The following SCO2 variants were observed in gnomAD, a reference collection of about 807,000 sequenced individuals.
SCO2 encodes cytochrome c oxidase assembly factor SCO2.
For synonymous variants in SCO2, 195 were observed against 148.6 expected, an observed-to-expected ratio of 1.31 and a Z score of -2.27; for missense variants, 429 against 348.7, an observed-to-expected ratio of 1.23 and a Z score of -1.83.
Position 50,524,136 on chromosome 22 carries a change from T to C in SCO2, c.276A>G (p.Glu92=), listed in dbSNP as rs886057630. 6.2e-7 allele frequency: 1 copy of C among 1,612,278 alleles called. No individual in the cohort carries two copies. Among genetic ancestry groups the C allele is most frequent in the Non-Finnish European group, 8.5e-7 (1 of 1,180,012 alleles). ...GGCCCACAGCTGCCTGGCGCAGGGCTTCTGTTCGCTTTTGCTGCTGCAGCC... is the reference window on the plus strand; with the variant it reads ...GGCCCACAGCTGCCTGGCGCAGGGCCTCTGTTCGCTTTTGCTGCTGCAGCC... ...KERLQQQKRT[E]ALRQAAVGQG... Residue 92 remains glutamate (E), a synonymous_variant, in exon 2 of 2, where the codon GAA becomes GAG. Transcript: ENST00000395693.
rs143543571 is a variant in SCO2 at position 50,524,264 on chromosome 22, C to G, written c.148G>C (p.Gly50Arg). The change falls in exon 2 of 2, where the codon GGC (glycine) becomes CGC (arginine). Residue 50 changes from glycine to arginine, a missense_variant. Physicochemically the swap from Gly to Arg is moderately radical, Grantham distance 125. Coordinates refer to ENST00000395693, the MANE Select transcript of SCO2 (RefSeq NM_005138.3). ...CGAAGCCCAGGGCCCTGGGGCTGGC[C>G]CTGCCCACCTGTCTCTGCAGGGCCC... ...RQGPAETGGQ[G>R]QPQGPGLRTR... is the part of the protein sequence containing the mutation. The G allele has an allele frequency of 6.2e-7, 1 of 1,604,604 alleles. No individual in the cohort carries two copies. The highest frequency in any genetic ancestry group is 1.1e-5 in the South Asian group (1 of 91,058).
At position 50,524,159 on chromosome 22, in the gene SCO2, G is replaced by A. The variant is rs754084933; in HGVS notation, c.253C>T (p.Leu85=). The A allele has an allele frequency of 1.2e-6, 2 of 1,611,126 alleles. No individual in the cohort carries two copies. Among genetic ancestry groups the A allele is most frequent in the South Asian group, 2.2e-5 (2 of 91,086 alleles). Residue 85 remains leucine (L), a synonymous_variant, in exon 2 of 2, where the codon CTG becomes TTG. Transcript: ENST00000395693. Reference sequence around the variant, plus strand: ...GCTTCTGTTCGCTTTTGCTGCTGCAGCCTCTCCTTCTCAGCCCTCAGGGCC... The same window carrying A: ...GCTTCTGTTCGCTTTTGCTGCTGCAACCTCTCCTTCTCAGCCCTCAGGGCC... ...WLALRAEKER[L]QQQKRTEALR...
intron 1 of SCO2, 64 bp from the exon 2 acceptor site, chr22:50,524,488 C>A (rs1478330729): frequency 2.0e-6 from 3 of 1,492,858 alleles, no homozygotes; most frequent in Non-Finnish European, 2.8e-6. Context: ...TGGGCTGCCC[C>A]TGCGACTTGA....
At position 50,525,517 on chromosome 22, in the gene SCO2, G is replaced by A. The variant is rs372765133; in HGVS notation, c.-59C>T. 3.5e-6 allele frequency: 2 copies of A among 565,556 alleles called. No individual in the cohort carries two copies. Among genetic ancestry groups the A allele is most frequent in the East Asian group, 3.3e-5 (1 of 30,440 alleles). The allele number at this position is 565,556 out of a possible 1,614,324, so 35.0% of individuals were successfully genotyped here. ...CAGTGGACCAAGCACGAGAGGAAGC[G>A]CCGACCTCCAGCTCCCTGCGCTCTG... is the stretch of plus-strand genomic sequence containing the variant. On this transcript the variant is annotated 5_prime_UTR_variant, in exon 1 of 2. Coordinates refer to ENST00000395693, the MANE Select transcript of SCO2 (RefSeq NM_005138.3).
rs2069193549 is a variant in SCO2 at position 50,523,766 on chromosome 22, C to T, written c.646G>A (p.Glu216Lys). Reference sequence around the variant, plus strand: ...TGGTCCACGATGTAGTCCTGGTCCTCATCCTTGGGGCCTGCATTGTAGTAC... The same window carrying T: ...TGGTCCACGATGTAGTCCTGGTCCTTATCCTTGGGGCCTGCATTGTAGTAC... ...RVYYNAGPKD[E>K]DQDYIVDHSI... The change falls in exon 2 of 2, where the codon GAG becomes AAG. Residue 216 changes from glutamate (E) to lysine (K), a missense_variant. Glu to Lys is a moderately conservative substitution (Grantham distance 56, BLOSUM62 1). Transcript: ENST00000395693. 1.9e-6 allele frequency: 3 copies of T among 1,614,192 alleles called. No individual in the cohort carries two copies. The highest frequency in any genetic ancestry group is 2.5e-6 in the Non-Finnish European group (3 of 1,180,028).
upstream of SCO2, chr22:50,525,953 C>T: frequency 2.2e-6 from 3 of 1,393,064 alleles, no homozygotes; most frequent in Non-Finnish European, 2.8e-6. Flanking sequence ...GCCGCGCGGC[C>T]GGAGCTGGGC....
At chr22:50,525,621 C>CG (rs2069316731), upstream of SCO2, 1 of 1,238,250 alleles carries the variant, frequency 8.1e-7, no homozygotes, top group African/African-American at 1.5e-5. Context: ...CATGCGCACA[C>CG]GGGCGCAGCC....
chr22:50,526,132 T>C, upstream of SCO2: 1 of 1,487,940 alleles, frequency 6.7e-7, no homozygotes, highest in Non-Finnish European at 8.9e-7. Flanking sequence ...CCGGACCAGC[T>C]CCACGGTGCC....
rs778022880 is a variant in SCO2, at chr22:50,524,013, G to A, written c.399C>T (p.Cys133=). 7 of 1,613,418 alleles carry A rather than the reference G, an allele frequency of 4.3e-6. No homozygotes were observed. The highest frequency in any genetic ancestry group is 1.7e-4 in the Middle Eastern group (1 of 6,060). The change falls in exon 2 of 2, where the codon TGC becomes TGT. Residue 133 remains cysteine, a synonymous_variant. Transcript: ENST00000395693. ...CCAGCTCGTCTGGGCAGATGTCAGG[G>A]CAGTGAGTGAAGCCAAAGTACATCA... ...WVLMYFGFTH[C]PDICPDELEK...
Position 50,523,581 on chromosome 22 carries a change from G to A in SCO2, c.*30C>T, listed in dbSNP as rs368257762. 3.4e-5 allele frequency: 55 copies of A among 1,610,418 alleles called. No individual in the cohort carries two copies. Among genetic ancestry groups the A allele is most frequent in the African/African-American group, 1.7e-4 (13 of 74,858 alleles). Reference sequence around the variant, plus strand: ...CACACACACAGATTAAACGCAGCCCGTTTAATGATGGGGCCCAGACTGCAG... The same window carrying A: ...CACACACACAGATTAAACGCAGCCCATTTAATGATGGGGCCCAGACTGCAG... On this transcript the variant is annotated 3_prime_UTR_variant, in exon 2 of 2. Transcript: ENST00000395693.
chr22:50,525,509 G>A lies in SCO2; in HGVS notation c.-51C>T, dbSNP rs886057631. 4.9e-5 allele frequency: 27 copies of A among 554,820 alleles called. No individual in the cohort carries two copies. In the East Asian group the frequency reaches 8.0e-4, roughly 16 times the overall value. 34.4% of individuals were successfully genotyped at this position (554,820 alleles called of 1,614,324 possible). On this transcript the variant is annotated 5_prime_UTR_variant, in exon 1 of 2. Transcript: ENST00000395693. ...CCGCGCGTCAGTGGACCAAGCACGAGAGGAAGCGCCGACCTCCAGCTCCCT... is the reference window on the plus strand; with the variant it reads ...CCGCGCGTCAGTGGACCAAGCACGAAAGGAAGCGCCGACCTCCAGCTCCCT...
chr22:50,525,740 G>T, upstream of SCO2: 1 of 1,605,842 alleles, frequency 6.2e-7, no homozygotes, highest in South Asian at 1.1e-5. Flanking sequence ...TCCCGCCCAA[G>T]CACTGACAAG....
At position 50,525,557 on chromosome 22, in the gene SCO2, G is replaced by A; in HGVS notation, c.-99C>T. 1 of 702,086 alleles carries A rather than the reference G, an allele frequency of 1.4e-6. No homozygotes were observed. Among genetic ancestry groups the A allele is most frequent in the Non-Finnish European group, 2.3e-6 (1 of 429,812 alleles). 43.5% of individuals were successfully genotyped at this position (702,086 alleles called of 1,614,324 possible). ...CCTGCGCTCTGCCCCGCCGGCTCAG[G>A]GAAAGCGGGCGCCACACGCTCACAG... is the stretch of plus-strand genomic sequence containing the variant. On this transcript the variant is annotated 5_prime_UTR_variant, in exon 1 of 2. Coordinates refer to ENST00000395693, the MANE Select transcript of SCO2 (RefSeq NM_005138.3).
chr22:50,525,814 C>G (rs1394951112), upstream of SCO2: 1 of 1,610,222 alleles, frequency 6.2e-7, no homozygotes, highest in African/African-American at 1.3e-5. Context: ...GGCGAGGGGG[C>G]GGCGAATGGC....
chr22:50,525,775 G>A (rs1388262734), upstream of SCO2: 9 of 1,610,696 alleles, frequency 5.6e-6, no homozygotes, highest in Admixed American at 1.7e-5. Context: ...GAGCTTTATT[G>A]CTGCGGCGGC....
chr22:50,526,125 G>A (rs770533125), upstream of SCO2: 369 of 1,489,306 alleles, frequency 2.5e-4, no homozygotes, highest in Middle Eastern at 8.4e-4. Context: ...GCAGCGCCCG[G>A]ACCAGCTCCA....
rs770849171 is a variant in SCO2, at chr22:50,524,559, C to T, written c.-13-135G>A. On this transcript the variant is annotated intron_variant, in intron 1 of 1. Coordinates refer to ENST00000395693, the MANE Select transcript of SCO2 (RefSeq NM_005138.3). ...CAGGCTTAACAGGCATTTGCAGCTG[C>T]TCACCTGAGCTCAGAACTCCACCTC... 8.8e-6 allele frequency: 7 copies of T among 792,054 alleles called. No homozygotes were observed. In the South Asian group the frequency reaches 1.0e-4, roughly 12 times the overall value. 49.1% of individuals were successfully genotyped at this position (792,054 alleles called of 1,614,324 possible).
chr22:50,524,729 T>G (rs2069258201), intron 1 of SCO2: 1 of 580,932 alleles, frequency 1.7e-6, no homozygotes, highest in African/African-American at 1.8e-5. Context: ...GTGCATGCCT[T>G]GCCTGAACTA....
upstream of SCO2, chr22:50,526,170 GCTCGGGAAGGGGCGGGGC>G (rs1374581682): frequency 2.3e-5 from 34 of 1,468,314 alleles, no homozygotes; most frequent in Non-Finnish European, 2.4e-5. Flanking sequence ...AGAGGCGCGG[GCTCGGGAAGGGGCGGGGC>G]CTCGGGAAGG....
Sources: gnomAD v4.1 joint callset for allele counts on GRCh38, gnomAD v4.1.1 for gene constraint, MANE v1.5 for transcripts, NCBI Gene and HGNC (gene_info 2026-07-23, HGNC 2026-07-21) for gene names.